Variants in DNAH7 observed in about 807,000 individuals in gnomAD.
DNAH7 encodes the protein axonemal beta dynein heavy chain 7.
In DNAH7, 397 loss-of-function variants were observed where a neutral mutation model predicts 444.6. The observed-to-expected ratio is 0.89, with a 90% confidence interval of 0.82 to 0.97. The LOEUF is 0.97. DNAH7 is among the 50% of genes least tolerant of loss of function. The probability of loss-of-function intolerance (pLI) is 0.00; values close to 1 mark genes in which losing one functional copy is unlikely to be tolerated. For missense variants in DNAH7, 4,902 were observed against 4,800.8 expected, an observed-to-expected ratio of 1.02 and a Z score of -0.62; for synonymous variants, 1,636 against 1,624.4, an observed-to-expected ratio of 1.01 and a Z score of -0.17.
chr2:195,969,703 AAAG>A (rs1186895509), intron 17 of DNAH7, among the ~76,000 whole-genome samples: 1 of 152,238 alleles, frequency 6.6e-6, no homozygotes, highest in Non-Finnish European at 1.5e-5. Flanking sequence ...CAAAGTTTAA[AAAG>A]AAGACTGAGA....
intron 46 of DNAH7, among the ~76,000 whole-genome samples, chr2:195,846,752 C>T (rs1274181819): frequency 1.3e-5 from 2 of 152,218 alleles, no homozygotes; most frequent in African/African-American, 2.4e-5. Flanking sequence ...GGCAGAAAAA[C>T]GTGAAAAGGC....
chr2:195,769,684 T>C (rs1694746694), intron 61 of DNAH7, among the ~76,000 whole-genome samples: 2 of 152,298 alleles, frequency 1.3e-5, no homozygotes, highest in African/African-American at 4.8e-5. Context: ...CACTATTAAA[T>C]GTTCCTTTCT....
chr2:195,824,531 C>G, intron 48 of DNAH7, 86 bp from the exon 49 acceptor site: 3 of 1,173,624 alleles, frequency 2.6e-6, no homozygotes, highest in Non-Finnish European at 3.4e-6. Context: ...GTTCTTTCAG[C>G]CTTATAGATA....
intron 12 of DNAH7, among the ~76,000 whole-genome samples, chr2:195,990,426 G>A (rs539560394): frequency 6.6e-6 from 1 of 152,188 alleles, no homozygotes; most frequent in South Asian, 2.1e-4. Context: ...ACTTCGGGAG[G>A]CCAAGGCAGG....
chr2:195,920,032 C>T (rs1687928810), intron 24 of DNAH7, among the ~76,000 whole-genome samples: 1 of 152,020 alleles, frequency 6.6e-6, no homozygotes, highest in Non-Finnish European at 1.5e-5. Flanking sequence ...TTCAGAAAAC[C>T]ACAAGGCATG....
intron 24 of DNAH7, among the ~76,000 whole-genome samples, chr2:195,914,527 T>C (rs1202058514): frequency 1.3e-5 from 2 of 152,198 alleles, no homozygotes; most frequent in Non-Finnish European, 2.9e-5. Flanking sequence ...ACAACTGCAT[T>C]GTTCTTGGCC....
At chr2:195,870,321 A>AG (rs988102007) in intron 40 of DNAH7, among the ~76,000 whole-genome samples, 1 of 152,248 alleles carries the variant, frequency 6.6e-6, no homozygotes, top group East Asian at 1.9e-4. Context: ...TAAAAAATCA[A>AG]GGGGGGTAGG....
In DNAH7 at chr2:195,814,595, AC is replaced by A. The variant is rs1697137229; in HGVS notation, c.9761+2032del. Among the ~76,000 whole-genome samples, 3 of 152,374 alleles carry A rather than the reference AC, an allele frequency of 2.0e-5. No individual in the cohort carries two copies. In the South Asian group the frequency reaches 6.2e-4, roughly 32 times the overall value. ...TTTTCTTCTCTAGACTCCAGAAAATACCTTGATTTTAAGCTAATTAACAGAT... is the reference window on the plus strand; with the variant it reads ...TTTTCTTCTCTAGACTCCAGAAAATACTTGATTTTAAGCTAATTAACAGAT... On this transcript the variant is annotated intron_variant, in intron 51 of 64. Coordinates refer to ENST00000312428, the MANE Select transcript of DNAH7 (RefSeq NM_018897.3).
rs1183085450 is a variant in DNAH7 at position 195,897,726 on chromosome 2, T to C, written c.4588A>G (p.Arg1530Gly). ...GGCAGATTTACATCAATGATAGATC[T>C]AAGCAGCAAAATTTCTTCATTTTCA... ...PNENEEILLL[R>G]SIIDVNLPKF... The change falls in exon 29 of 65, where the codon AGA becomes GGA. Residue 1530 changes from arginine (R) to glycine (G), a missense_variant. Physicochemically the swap from Arg to Gly is moderately radical, Grantham distance 125 (BLOSUM62 -2). Coordinates refer to ENST00000312428, the MANE Select transcript of DNAH7 (RefSeq NM_018897.3). 1 of 1,591,422 alleles carries C rather than the reference T, an allele frequency of 6.3e-7. No individual in the cohort carries two copies. Among genetic ancestry groups the C allele is most frequent in the Non-Finnish European group, 8.6e-7 (1 of 1,169,018 alleles).
intron 1 of DNAH7, among the ~76,000 whole-genome samples, chr2:196,062,478 G>GA (rs772870401): frequency 4.6e-5 from 7 of 152,174 alleles, no homozygotes; most frequent in Non-Finnish European, 8.8e-5. Context: ...CTCAGACATT[G>GA]AAAACTTTTG....
chr2:196,007,239 A>G (rs1043442720), intron 10 of DNAH7, among the ~76,000 whole-genome samples: 7 of 152,206 alleles, frequency 4.6e-5, no homozygotes, highest in Non-Finnish European at 1.5e-5. Flanking sequence ...CAAATAGGCC[A>G]ATGAAACAGA....
At chr2:195,848,962 C>T (rs1411604393) in intron 46 of DNAH7, among the ~76,000 whole-genome samples, 1 of 152,218 alleles carries the variant, frequency 6.6e-6, no homozygotes, top group Admixed American at 6.5e-5. Context: ...TATATTATAA[C>T]TTCCCCACTG....
chr2:195,855,769 A>G (rs1447486092), intron 45 of DNAH7, 42 bp downstream of exon 45: 1 of 1,594,288 alleles, frequency 6.3e-7, no homozygotes, highest in African/African-American at 1.3e-5. Context: ...CTTAGTTACG[A>G]TAACTGAGAA....
chr2:196,019,502 TTAG>T (rs1695241955), intron 8 of DNAH7, among the ~76,000 whole-genome samples: 1 of 152,138 alleles, frequency 6.6e-6, no homozygotes, highest in Non-Finnish European at 1.5e-5. Flanking sequence ...GACTCTGAAA[TTAG>T]ATTTAAATCT....
At position 195,962,989 on chromosome 2, in the gene DNAH7, TACC is replaced by T. The variant is rs755680258; in HGVS notation, c.2206-2047_2206-2045del. 8.9e-4 allele frequency among the ~76,000 whole-genome samples: 136 copies of T among 152,350 alleles called. 1 individual carries two copies. The highest frequency in any genetic ancestry group is 2.3e-3 in the South Asian group (11 of 4,832). On this transcript the variant is annotated intron_variant, in intron 17 of 64. Coordinates refer to ENST00000312428, the MANE Select transcript of DNAH7 (RefSeq NM_018897.3). ...TGAATAGTACACCATCGTATACAGA[TACC>T]ACATTTTCTTTATCTATTCATCTCT... is the stretch of plus-strand genomic sequence containing the variant.
At position 196,026,640 on chromosome 2, in the gene DNAH7, G is replaced by A. The variant is rs956091727; in HGVS notation, c.667+120C>T. The stretch of plus-strand genomic sequence containing the variant: ...AGATCTTAAGTAATATAACAGCAAT[G>A]TAAGAAATGGCATAATTATAATATT... On this transcript the variant is annotated intron_variant, in intron 7 of 64. Transcript: ENST00000312428. The A allele has an allele frequency of 1.4e-4, 96 of 685,388 alleles. 1 individual carries two copies. In the South Asian group the frequency reaches 2.1e-3, roughly 15 times the overall value. The allele number at this position is 685,388 out of a possible 1,614,324, so 42.5% of individuals were successfully genotyped here.
At chr2:195,971,176 T>G (rs1464339565) in intron 16 of DNAH7, among the ~76,000 whole-genome samples, 1 of 152,206 alleles carries the variant, frequency 6.6e-6, no homozygotes, top group African/African-American at 2.4e-5. Context: ...TTTGCTATAA[T>G]GTAATAGAAA....
intron 19 of DNAH7, among the ~76,000 whole-genome samples, chr2:195,952,287 T>A (rs914506071): frequency 1.3e-5 from 2 of 152,240 alleles, no homozygotes; most frequent in African/African-American, 4.8e-5. Flanking sequence ...GGAGGGCTTC[T>A]GCAGAGAGAT....
chr2:196,058,996 AGAATTAG>A (rs1481856492), intron 1 of DNAH7, among the ~76,000 whole-genome samples: 1 of 152,002 alleles, frequency 6.6e-6, no homozygotes, highest in East Asian at 1.9e-4. Flanking sequence ...TCAAGGGAAT[AGAATTAG>A]GAGTTCAGAA....
Sources: allele counts gnomAD v4.1 joint callset (sites outside exome capture counted in the v4.1 genomes callset), GRCh38; gene constraint gnomAD v4.1.1; transcripts MANE v1.5; gene names NCBI Gene and HGNC (gene_info 2026-07-23, HGNC 2026-07-21).